The following LZTR1 variants were observed in gnomAD, a reference collection of about 807,000 sequenced individuals.
LZTR1 encodes the protein leucine zipper like post translational regulator 1.
A neutral mutation model predicts 105.7 loss-of-function variants in LZTR1; 260 were observed. The observed-to-expected ratio is 2.46, with a 90% confidence interval of 2.22 to 2.72. The LOEUF (loss-of-function observed/expected upper bound fraction) is 2.72, where lower values mean the gene tolerates loss of function less well. Among genes scored for constraint, LZTR1 ranks in the 30% most tolerant of loss-of-function variants. The pLI, the probability that LZTR1 is intolerant of heterozygous loss-of-function variation, is 0.00. For missense variants in LZTR1, 1,214 were observed against 1,166.9 expected, an observed-to-expected ratio of 1.04 and a Z score of -0.59; for synonymous variants, 490 against 476.4, an observed-to-expected ratio of 1.03 and a Z score of -0.37.
Position 20,993,743 on chromosome 22 carries a change from G to A in LZTR1, c.1342G>A (p.Val448Met), listed in dbSNP as rs750902731. 3.0e-5 allele frequency: 48 copies of A among 1,612,840 alleles called. No homozygotes were observed. The highest frequency in any genetic ancestry group is 3.9e-5 in the Non-Finnish European group (46 of 1,179,780). ...CCGCCAGTTCTGCGACGTGGAGTTCGTGCTGGGTGAGGTGGGTGCCTGTCC... is the reference window on the plus strand; with the variant it reads ...CCGCCAGTTCTGCGACGTGGAGTTCATGCTGGGTGAGGTGGGTGCCTGTCC... ...ESRQFCDVEFVLGEKEECVQG... is the reference protein window; with the variant it reads ...ESRQFCDVEFMLGEKEECVQG... The change falls in exon 12 of 21, where the codon GTG becomes ATG. Residue 448 changes from valine (V) to methionine (M), a missense_variant. By Grantham distance (21) the Val-to-Met change is conservative. Transcript: ENST00000646124.
rs1184396932 is a variant in LZTR1 at position 20,982,443 on chromosome 22, AG to A, written c.73del (p.Ala25ProfsTer17). On this transcript the variant is annotated frameshift_variant, in exon 1 of 21. Transcript: ENST00000646124. LOFTEE classifies it high-confidence loss of function. Reference sequence around the variant, plus strand: ...TGGCAGGCGGCGCGCGGTCCAAGGTAGCCCCGAGCGTGGACTTCGACCATAG... The same window carrying A: ...TGGCAGGCGGCGCGCGGTCCAAGGTACCCCGAGCGTGGACTTCGACCATAG... ...ALAGGARSKV[A>X]PSVDFDHSCS... The A allele has an allele frequency of 1.9e-6, 3 of 1,590,574 alleles. No individual in the cohort carries two copies. Among genetic ancestry groups the A allele is most frequent in the Non-Finnish European group, 2.6e-6 (3 of 1,168,306 alleles).
rs201204225 is a variant in LZTR1 at position 20,987,607 on chromosome 22, G to A, written c.400+24G>A. Reference sequence around the variant, plus strand: ...TGGTAAGCAGCCTCTTGCCTCCCAGGGGCTGTGTCGCCCCGAGGCCCACAG... The same window carrying A: ...TGGTAAGCAGCCTCTTGCCTCCCAGAGGCTGTGTCGCCCCGAGGCCCACAG... On this transcript the variant is annotated intron_variant, in intron 4 of 20. Coordinates refer to ENST00000646124, the MANE Select transcript of LZTR1 (RefSeq NM_006767.4). 93 of 1,606,952 alleles carry A rather than the reference G, an allele frequency of 5.8e-5. No individual in the cohort carries two copies. The African/African-American group carries it at 1.1e-3, about 19-fold the overall frequency.
chr22:20,987,535 C>A lies in LZTR1; in HGVS notation c.352C>A (p.Arg118Ser). 6.2e-7 allele frequency: 1 copy of A among 1,614,166 alleles called. No homozygotes were observed. Among genetic ancestry groups the A allele is most frequent in the Non-Finnish European group, 8.5e-7 (1 of 1,180,012 alleles). The change falls in exon 4 of 21, where the codon CGT becomes AGT. Residue 118 changes from arginine to serine, a missense_variant. Physicochemically the swap from Arg to Ser is moderately radical, Grantham distance 110. Transcript: ENST00000646124. ...TACCACTGGGACCCCACCGGCCCCC[C>A]GTTACCACCACTCGGCCGTCGTCTA... ...AFTTGTPPAP[R>S]YHHSAVVYGS...
intron 7 of LZTR1, 122 bp downstream of exon 7, chr22:20,989,804 A>AG: frequency 1.0e-6 from 1 of 959,546 alleles, no homozygotes; most frequent in Non-Finnish European, 1.6e-6. Context: ...GGTGGGAGGC[A>AG]GGGGGAGCCA....
At position 20,994,476 on chromosome 22, in the gene LZTR1, C is replaced by T. The variant is rs533809701; in HGVS notation, c.1616-82C>T. The T allele has an allele frequency of 3.3e-5, 49 of 1,476,376 alleles. No homozygotes were observed. In the East Asian group the frequency reaches 1.0e-3, roughly 32 times the overall value. 91.5% of individuals were successfully genotyped at this position (1,476,376 alleles called of 1,614,324 possible). A position where few individuals can be genotyped will look rare whatever the true frequency, so the allele number is the denominator to read the frequency against. On this transcript the variant is annotated intron_variant, in intron 14 of 20. Coordinates refer to ENST00000646124, the MANE Select transcript of LZTR1 (RefSeq NM_006767.4). ...TCCTACCTAGTGGCCCCAGCCCACA[C>T]TCTTCCATGGGGGGAGCCCTGCGCC...
chr22:20,998,027 G>C lies in LZTR1; in HGVS notation c.*679G>C, dbSNP rs942323530. 1 of 152,248 alleles carries C rather than the reference G, an allele frequency of 6.6e-6. No homozygotes were observed. The highest frequency in any genetic ancestry group is 1.5e-5 in the Non-Finnish European group (1 of 68,112). The allele number at this position is 152,248 out of a possible 1,614,324, so 9.4% of individuals were successfully genotyped here. ...TCCACCTGTGTGCATGTCAGGGCTC[G>C]GCCGGGAAGAAGCCAGCAAAGTCCC... On this transcript the variant is annotated 3_prime_UTR_variant, in exon 21 of 21. Transcript: ENST00000646124.
intron 7 of LZTR1, 75 bp downstream of exon 7, chr22:20,989,757 G>C: frequency 8.6e-7 from 1 of 1,162,512 alleles, no homozygotes; most frequent in Non-Finnish European, 1.2e-6. Flanking sequence ...GGTGGAGGAG[G>C]TGAGGGGCAT....
At position 20,995,321 on chromosome 22, in the gene LZTR1, G is replaced by T. The variant is rs75663780; in HGVS notation, c.1942+295G>T. On this transcript the variant is annotated intron_variant, in intron 16 of 20. Coordinates refer to ENST00000646124, the MANE Select transcript of LZTR1 (RefSeq NM_006767.4). ...AGGATGTCAGGTCTGATGGCCCAGG[G>T]TCACGGTGATCAGTCTCTGGACTTC... 4.8e-3 allele frequency: 3,100 copies of T among 648,234 alleles called. 77 individuals carry two copies. In the African/African-American group the frequency reaches 0.048, roughly 10 times the overall value. The allele number at this position is 648,234 out of a possible 1,614,324, so 40.2% of individuals were successfully genotyped here.
At chr22:20,997,114 G>A in intron 20 of LZTR1, 118 bp from the exon 21 acceptor site, 1 of 1,118,570 alleles carries the variant, frequency 8.9e-7, no homozygotes, top group Non-Finnish European at 1.4e-6. Flanking sequence ...GCCGCACCTT[G>A]CTTCATCCTT....
At position 20,994,973 on chromosome 22, in the gene LZTR1, G is replaced by A. The variant is rs781776791; in HGVS notation, c.1889G>A (p.Arg630Gln). ...LSSPLIVEIV[R>Q]RKQQPPPRTP... ...TCTCCACTGATAGTGGAGATTGTGC[G>A]GCGGAAGCAGCAGCCGCCCCCTCGC... Residue 630 changes from arginine (R) to glutamine (Q), a missense_variant, in exon 16 of 21, where the codon CGG (arginine) becomes CAG (glutamine). Physicochemically the swap from Arg to Gln is conservative, Grantham distance 43. Transcript: ENST00000646124. The A allele has an allele frequency of 1.5e-5, 24 of 1,613,016 alleles. No homozygotes were observed. The highest frequency in any genetic ancestry group is 1.6e-4 in the Middle Eastern group (1 of 6,084).
chr22:20,992,188 C>A, intron 9 of LZTR1, 26 bp from the exon 10 acceptor site: 1 of 1,606,292 alleles, frequency 6.2e-7, no homozygotes, highest in East Asian at 2.2e-5. Flanking sequence ...CAACTGGTCT[C>A]ATGCCCATGT....
rs943939913 is a variant in LZTR1, at chr22:20,985,898, G to A, written c.320+1G>A. On this transcript the variant is annotated splice_donor_variant, in intron 3 of 20. Transcript: ENST00000646124. LOFTEE classifies it high-confidence loss of function. Reference sequence around the variant, plus strand: ...ATGTGAAAGACTGCTCCTGGTGCAGGTGGGTGGCCCCGTGCTCCAGGGCCC... The same window carrying A: ...ATGTGAAAGACTGCTCCTGGTGCAGATGGGTGGCCCCGTGCTCCAGGGCCC... 5 of 1,614,112 alleles carry A rather than the reference G, an allele frequency of 3.1e-6. No homozygotes were observed. Among genetic ancestry groups the A allele is most frequent in the Admixed American group, 1.7e-5 (1 of 60,028 alleles).
In LZTR1 at chr22:20,982,306, C is replaced by T; in HGVS notation, c.-66C>T. On this transcript the variant is annotated 5_prime_UTR_variant, in exon 1 of 21. Transcript: ENST00000646124. Reference sequence around the variant, plus strand: ...GGGCTCGCCGGGAAATGTGGTTTCTCCAGCCGGCCCGGGGCGGTGGCCGCA... The same window carrying T: ...GGGCTCGCCGGGAAATGTGGTTTCTTCAGCCGGCCCGGGGCGGTGGCCGCA... 1.5e-6 allele frequency: 2 copies of T among 1,309,626 alleles called. No individual in the cohort carries two copies. Among genetic ancestry groups the T allele is most frequent in the Non-Finnish European group, 2.1e-6 (2 of 964,836 alleles). The allele number at this position is 1,309,626 out of a possible 1,614,324, so 81.1% of individuals were successfully genotyped here. A position where few individuals can be genotyped will look rare whatever the true frequency, so the allele number is the denominator to read the frequency against.
chr22:20,982,932 C>T (rs1924249696), intron 1 of LZTR1, 95 bp from the exon 2 acceptor site: 2 of 992,198 alleles, frequency 2.0e-6, no homozygotes, highest in Non-Finnish European at 3.2e-6. Flanking sequence ...AGAGGTGATA[C>T]CTAACTTCCG....
intron 18 of LZTR1, 99 bp from the exon 19 acceptor site, chr22:20,996,597 C>A: frequency 3.4e-6 from 3 of 886,728 alleles, no homozygotes; most frequent in Non-Finnish European, 5.5e-6. Context: ...AGCATGCTGG[C>A]GTGGGGGCTT....
intron 8 of LZTR1, 71 bp from the exon 9 acceptor site, chr22:20,991,557 T>G: frequency 8.0e-7 from 1 of 1,257,272 alleles, no homozygotes; most frequent in Non-Finnish European, 1.1e-6. Context: ...AGTGAAGGCC[T>G]GCTGTGGGGA....
intron 20 of LZTR1, 129 bp downstream of exon 20, chr22:20,997,095 C>T: frequency 8.8e-7 from 1 of 1,136,600 alleles, no homozygotes; most frequent in Non-Finnish European, 1.3e-6. Context: ...GCAGAGCAGC[C>T]CATCACTGGC....
Position 20,993,729 on chromosome 22 carries a change from G to A in LZTR1, c.1328G>A (p.Cys443Tyr). ...CGGCTGTGGGAGAGCCGCCAGTTCT[G>A]CGACGTGGAGTTCGTGCTGGGTGAG... is the stretch of plus-strand genomic sequence containing the variant. ...YGRLWESRQFCDVEFVLGEKE... is the reference protein window; with the variant it reads ...YGRLWESRQFYDVEFVLGEKE... Residue 443 changes from cysteine (C) to tyrosine (Y), a missense_variant, in exon 12 of 21, where the codon TGC (cysteine) becomes TAC (tyrosine). Cys to Tyr is a radical substitution (Grantham distance 194, BLOSUM62 -2). Transcript: ENST00000646124. The A allele has an allele frequency of 6.2e-7, 1 of 1,613,428 alleles. No homozygotes were observed. Among genetic ancestry groups the A allele is most frequent in the Non-Finnish European group, 8.5e-7 (1 of 1,179,914 alleles).
At position 20,995,788 on chromosome 22, in the gene LZTR1, C is replaced by A. The variant is rs200248773; in HGVS notation, c.1985C>A (p.Ala662Glu). The change falls in exon 17 of 21, where the codon GCG (alanine) becomes GAG (glutamate). Residue 662 changes from alanine to glutamate, a missense_variant. By Grantham distance (107) the Ala-to-Glu change is moderately radical (BLOSUM62 -1). Transcript: ENST00000646124. ...GACATGAAGGCATACCTGGAGGGAG[C>A]GGGCGCGGAATTCTGTGACATCACT... Reference protein sequence around the residue: ...IQDMKAYLEGAGAEFCDITLL... With the variant: ...IQDMKAYLEGEGAEFCDITLL... 1.2e-6 allele frequency: 2 copies of A among 1,613,504 alleles called. No individual in the cohort carries two copies. The highest frequency in any genetic ancestry group is 2.2e-5 in the East Asian group (1 of 44,842).
Sources: gnomAD v4.1 joint callset for allele counts on GRCh38, gnomAD v4.1.1 for gene constraint, MANE v1.5 for transcripts, NCBI Gene and HGNC (gene_info 2026-07-23, HGNC 2026-07-21) for gene names.